The following PRICKLE1 variants were observed in gnomAD, a reference collection of about 807,000 sequenced individuals.
PRICKLE1 encodes prickle-like protein 1.
PRICKLE1 carries 14 observed loss-of-function variants against 70.2 expected under a neutral mutation model. The ratio of observed to expected loss-of-function variants is 0.20; its 90% CI spans 0.13 to 0.31. The LOEUF (loss-of-function observed/expected upper bound fraction) is 0.31. Ranked by LOEUF, PRICKLE1 falls within the 10% of genes least tolerant of loss-of-function variation. The pLI is 1.00. For missense variants in PRICKLE1, 821 were observed against 1,026.2 expected, an observed-to-expected ratio of 0.80 and a Z score of 2.73; for synonymous variants, 357 against 379.9, an observed-to-expected ratio of 0.94 and a Z score of 0.70.
chr12:42,518,669 A>C (rs1266963051), intron 1 of PRICKLE1, among the ~76,000 whole-genome samples: 1 of 152,204 alleles, frequency 6.6e-6, no homozygotes, highest in Non-Finnish European at 1.5e-5. Flanking sequence ...TTATCTACAT[A>C]GAAGTTGTAA....
intron 1 of PRICKLE1, among the ~76,000 whole-genome samples, chr12:42,567,827 G>T (rs1451887637): frequency 1.3e-5 from 2 of 148,928 alleles, no homozygotes; most frequent in Non-Finnish European, 3.0e-5. Flanking sequence ...AGGTATAAGC[G>T]TTATCTTCTT....
chr12:42,554,744 C>G (rs1940384969), intron 1 of PRICKLE1, among the ~76,000 whole-genome samples: 1 of 152,188 alleles, frequency 6.6e-6, no homozygotes. Flanking sequence ...CAATTCTCTT[C>G]GTGGTGAAGG....
chr12:42,471,572 G>A (rs538002927), intron 2 of PRICKLE1, among the ~76,000 whole-genome samples: 58 of 152,256 alleles, frequency 3.8e-4, no homozygotes, highest in African/African-American at 1.3e-3. Context: ...AGCTACATGC[G>A]TGCCAGGTAC....
At chr12:42,519,183 C>A (rs1356800240) in intron 1 of PRICKLE1, among the ~76,000 whole-genome samples, 1 of 112,682 alleles carries the variant, frequency 8.9e-6, no homozygotes. Context: ...AATTTCCTTT[C>A]CTTTTTTTCC....
chr12:42,547,314 G>C (rs1352699130), intron 1 of PRICKLE1, among the ~76,000 whole-genome samples: 3 of 152,116 alleles, frequency 2.0e-5, no homozygotes, highest in Non-Finnish European at 2.9e-5. Flanking sequence ...TAATAACCCT[G>C]GTATGCCATC....
At chr12:42,558,350 C>G (rs1206835377) in intron 1 of PRICKLE1, among the ~76,000 whole-genome samples, 2 of 152,182 alleles carry the variant, frequency 1.3e-5, no homozygotes, top group African/African-American at 4.8e-5. Context: ...AAAAGGGAGG[C>G]AACAACCAAT....
chr12:42,586,462 A>T (rs1338023013), intron 1 of PRICKLE1, among the ~76,000 whole-genome samples: 1 of 151,930 alleles, frequency 6.6e-6, no homozygotes, highest in Non-Finnish European at 1.5e-5. Flanking sequence ...CCTGGGCTCA[A>T]GCGATCCTCC....
At chr12:42,488,667 T>C (rs1429546522) in intron 1 of PRICKLE1, among the ~76,000 whole-genome samples, 1 of 152,188 alleles carries the variant, frequency 6.6e-6, no homozygotes, top group Non-Finnish European at 1.5e-5. Flanking sequence ...TTGAGAGAGC[T>C]GTACCATGGC....
chr12:42,514,610 A>G (rs1939571812), intron 1 of PRICKLE1, among the ~76,000 whole-genome samples: 2 of 152,202 alleles, frequency 1.3e-5, no homozygotes, highest in Non-Finnish European at 2.9e-5. Flanking sequence ...GGCTTGTCAG[A>G]TTGAAAGATC....
intron 1 of PRICKLE1, among the ~76,000 whole-genome samples, chr12:42,514,714 T>C (rs888722979): frequency 6.6e-6 from 1 of 152,190 alleles, no homozygotes; most frequent in Non-Finnish European, 1.5e-5. Flanking sequence ...TTTACAATTA[T>C]ACAAGCACAT....
At chr12:42,560,099 C>CT (rs1940483091) in intron 1 of PRICKLE1, among the ~76,000 whole-genome samples, 1 of 109,188 alleles carries the variant, frequency 9.2e-6, no homozygotes, top group Admixed American at 9.4e-5. Context: ...GGGAAATCTC[C>CT]TTTAATTATT....
At chr12:42,492,348 TTTTATA>T (rs1939122160) in intron 1 of PRICKLE1, among the ~76,000 whole-genome samples, 1 of 152,218 alleles carries the variant, frequency 6.6e-6, no homozygotes, top group African/African-American at 2.4e-5. Context: ...GGTATTTTCT[TTTTATA>T]TTTAAACTCT....
rs146805907 is a variant in PRICKLE1 at position 42,569,069 on chromosome 12, T to C, written c.-49+20396A>G. ...CCACTTAAATATGTCCTGAATATCC[T>C]TTCATACTACTTTATCTCTACATCT... On this transcript the variant is annotated intron_variant, in intron 1 of 7. Transcript: ENST00000345127. Among the ~76,000 whole-genome samples the C allele has an allele frequency of 5.6e-4, 85 of 152,346 alleles. 1 individual carries two copies. The East Asian group carries it at 0.015, about 28-fold the overall frequency.
rs1295027492 is a variant in PRICKLE1, at chr12:42,464,349, T to TA, written c.1639+45dup. On this transcript the variant is annotated intron_variant, in intron 7 of 7. Transcript: ENST00000345127. The surrounding 1 kb of genome is among the most constrained non-coding windows in gnomAD (Gnocchi z 4.2). ...ATTGCAATTTTTTGAATACACTTTT[T>TA]AGTAGCTCCTTTTTTCAAATACCCC... The TA allele has an allele frequency of 6.2e-7, 1 of 1,613,108 alleles. No homozygotes were observed. Among genetic ancestry groups the TA allele is most frequent in the South Asian group, 1.1e-5 (1 of 90,880 alleles).
At chr12:42,494,067 C>T (rs969451433) in intron 1 of PRICKLE1, among the ~76,000 whole-genome samples, 2 of 152,054 alleles carry the variant, frequency 1.3e-5, no homozygotes, top group African/African-American at 4.8e-5. Flanking sequence ...AGCACAATGT[C>T]TAAAAAAACA....
At chr12:42,554,884 T>TA (rs1430305687) in intron 1 of PRICKLE1, among the ~76,000 whole-genome samples, 8 of 117,336 alleles carry the variant, frequency 6.8e-5, no homozygotes, top group Non-Finnish European at 1.1e-4. Flanking sequence ...TAGAACTTAT[T>TA]TTTTTTTTTT....
chr12:42,485,224 T>A (rs1038646243), intron 1 of PRICKLE1: 1 of 142,920 alleles, frequency 7.0e-6, no homozygotes, highest in Non-Finnish European at 1.5e-5. Context: ...AGCTACAAAG[T>A]AAGGCAGCTG....
At chr12:42,533,929 C>T (rs1939970936) in intron 1 of PRICKLE1, among the ~76,000 whole-genome samples, 2 of 152,136 alleles carry the variant, frequency 1.3e-5, no homozygotes, top group Admixed American at 1.3e-4. Flanking sequence ...TCAATATTCC[C>T]CCATCACTAG....
At chr12:42,525,245 C>T (rs1320797967) in intron 1 of PRICKLE1, among the ~76,000 whole-genome samples, 1 of 152,206 alleles carries the variant, frequency 6.6e-6, no homozygotes, top group African/African-American at 2.4e-5. Context: ...CATCGAAGCT[C>T]CATTCTCCTT....
Sources: allele counts gnomAD v4.1 joint callset (sites outside exome capture counted in the v4.1 genomes callset), GRCh38; gene constraint gnomAD v4.1.1; non-coding constraint Gnocchi (gnomAD v3.1); transcripts MANE v1.5; gene names NCBI Gene and HGNC (gene_info 2026-07-23, HGNC 2026-07-21).